Variants in TEP1 observed in about 807,000 individuals in gnomAD.
TEP1 encodes telomerase protein component 1.
In TEP1, 241 loss-of-function variants were observed where a neutral mutation model predicts 306.3. The ratio of observed to expected loss-of-function variants is 0.79; its 90% CI spans 0.71 to 0.88. The LOEUF (loss-of-function observed/expected upper bound fraction) is 0.88. TEP1 is among the 40% of genes least tolerant of loss of function. TEP1 has a pLI of 0.00. For missense variants in TEP1, 3,051 were observed against 3,276.1 expected, an observed-to-expected ratio of 0.93 and a Z score of 1.68; for synonymous variants, 1,289 against 1,305.5, an observed-to-expected ratio of 0.99 and a Z score of 0.27.
Position 20,390,641 on chromosome 14 carries a change from T to C in TEP1, c.2334+40A>G, listed in dbSNP as rs747647389. On this transcript the variant is annotated intron_variant, in intron 15 of 54. Transcript: ENST00000262715. ...GAAATATATCAGTTGCAGAGGAAAA[T>C]GTGGGGGAGGGAGAGGGTTTCTCAG... 5.7e-6 allele frequency: 9 copies of C among 1,586,736 alleles called. No homozygotes were observed. The South Asian group carries it at 8.8e-5, about 16-fold the overall frequency.
At chr14:20,377,226 A>AG (rs1566445449) in intron 41 of TEP1, 54 bp downstream of exon 41, 2 of 1,446,250 alleles carry the variant, frequency 1.4e-6, no homozygotes, top group East Asian at 2.3e-5. Context: ...AAAAAAAAAA[A>AG]AAAGAAAAGA....
chr14:20,411,753 C>T (rs1191328949), intron 1 of TEP1, among the ~76,000 whole-genome samples: 1 of 152,018 alleles, frequency 6.6e-6, no homozygotes, highest in African/African-American at 2.4e-5. Flanking sequence ...ATGGACCTCC[C>T]AGGATCTCCA....
At chr14:20,371,155 A>C in intron 51 of TEP1, 63 bp downstream of exon 51, 1 of 1,433,122 alleles carries the variant, frequency 7.0e-7, no homozygotes, top group South Asian at 1.1e-5. Context: ...GACGGGCCCC[A>C]AGGTGTAAAA....
intron 1 of TEP1, among the ~76,000 whole-genome samples, chr14:20,409,350 T>C (rs924899572): frequency 1.8e-4 from 27 of 152,376 alleles, no homozygotes; most frequent in African/African-American, 6.0e-4. Context: ...TGCAGTTCTA[T>C]TCTAATCCTT....
Position 20,403,553 on chromosome 14 carries a change from T to C in TEP1, c.1195-105A>G, listed in dbSNP as rs1878928998. 2.5e-6 allele frequency: 4 copies of C among 1,591,204 alleles called. No individual in the cohort carries two copies. The African/African-American group carries it at 5.4e-5, about 22-fold the overall frequency. Reference sequence around the variant, plus strand: ...CATCTCTACCAAAAAGGAAGCCAACTAGAAAAGAAGACTGCCCTGCACCAT... The same window carrying C: ...CATCTCTACCAAAAAGGAAGCCAACCAGAAAAGAAGACTGCCCTGCACCAT... On this transcript the variant is annotated intron_variant, in intron 6 of 54. Coordinates refer to ENST00000262715, the MANE Select transcript of TEP1 (RefSeq NM_007110.5).
chr14:20,390,711 G>A lies in TEP1; in HGVS notation c.2304C>T (p.Tyr768=), dbSNP rs138966593. The change falls in exon 15 of 55, where the codon TAC becomes TAT. Residue 768 remains tyrosine, a synonymous_variant. Coordinates refer to ENST00000262715, the MANE Select transcript of TEP1 (RefSeq NM_007110.5). Reference sequence around the variant, plus strand: ...CCCTTTGGCCAGCCAGAGACAGCAGGTATTTCCCAAAAGTATTCAGGGACC... The same window carrying A: ...CCCTTTGGCCAGCCAGAGACAGCAGATATTTCCCAAAAGTATTCAGGGACC... ...DGWSLNTFGK[Y]LLSLAGQRVP... is the part of the protein sequence containing the mutation. 117 of 1,614,162 alleles carry A rather than the reference G, an allele frequency of 7.2e-5. No homozygotes were observed. In the African/African-American group the frequency reaches 1.4e-3, roughly 19 times the overall value.
Position 20,384,706 on chromosome 14 carries a change from G to C in TEP1, c.3115C>G (p.Pro1039Ala), listed in dbSNP as rs1566458995. 1.9e-6 allele frequency: 3 copies of C among 1,610,170 alleles called. No individual in the cohort carries two copies. The change falls in exon 22 of 55, where the codon CCA (proline) becomes GCA (alanine). Residue 1039 changes from proline (P) to alanine (A), a missense_variant. Pro to Ala is a conservative substitution (Grantham distance 27, BLOSUM62 -1). Coordinates refer to ENST00000262715, the MANE Select transcript of TEP1 (RefSeq NM_007110.5). ...FRDSSFLSSV[P>A]DAWKSDFVSE... ...ACAAAGTCAGATTTCCAGGCATCTGGCACAGAGCTGACCACCAAAGACCCC... is the reference window on the plus strand; with the variant it reads ...ACAAAGTCAGATTTCCAGGCATCTGCCACAGAGCTGACCACCAAAGACCCC...
At chr14:20,385,466 C>G (rs974396509) in intron 20 of TEP1, among the ~76,000 whole-genome samples, 1 of 152,024 alleles carries the variant, frequency 6.6e-6, no homozygotes, top group Non-Finnish European at 1.5e-5. Flanking sequence ...TCCGCCTCCT[C>G]GGTTCAAGCA....
chr14:20,396,653 G>A lies in TEP1; in HGVS notation c.1627C>T (p.His543Tyr). ...TGGAGTCTCTGGAGAATGAGCTCATGGTGGCGGGAACTGATTCCAACCCGC... is the reference window on the plus strand; with the variant it reads ...TGGAGTCTCTGGAGAATGAGCTCATAGTGGCGGGAACTGATTCCAACCCGC... ...LLRVGISSRH[H>Y]ELILQRLQHA... The change falls in exon 10 of 55, where the codon CAT (histidine) becomes TAT (tyrosine). Residue 543 changes from histidine (H) to tyrosine (Y), a missense_variant. By Grantham distance (83) the His-to-Tyr change is moderately conservative. This residue lies in a region of TEP1 where 1,507 missense variants were observed against 1,550.5 expected (regional missense o/e 0.97). Transcript: ENST00000262715. The A allele has an allele frequency of 6.2e-7, 1 of 1,611,878 alleles. No individual in the cohort carries two copies. The highest frequency in any genetic ancestry group is 8.5e-7 in the Non-Finnish European group (1 of 1,178,104).
chr14:20,379,897 A>G, intron 35 of TEP1, 33 bp downstream of exon 35: 1 of 1,590,098 alleles, frequency 6.3e-7, no homozygotes, highest in Non-Finnish European at 8.6e-7. Context: ...GGATTTTCAG[A>G]GGGTAAATTC....
At chr14:20,400,299 T>C (rs963206433) in intron 9 of TEP1, among the ~76,000 whole-genome samples, 10 of 149,050 alleles carry the variant, frequency 6.7e-5, no homozygotes, top group African/African-American at 2.0e-4. Context: ...TGTGGGTGCG[T>C]GTGTGTGTGT....
rs2138971347 is a variant in TEP1 at position 20,365,913 on chromosome 14, AT to A, written c.*2523del. The A allele has an allele frequency of 6.6e-6, 1 of 152,358 alleles. No individual in the cohort carries two copies. The highest frequency in any genetic ancestry group is 2.1e-4 in the South Asian group (1 of 4,830). The allele number at this position is 152,358 out of a possible 1,614,324, so 9.4% of individuals were successfully genotyped here. A position where few individuals can be genotyped will look rare whatever the true frequency, so the allele number is the denominator to read the frequency against. ...CTTTTCTAGATGGGTAGAAGAAAAGATTGTTCAAATGTCCTATGGTCTCACA... is the reference window on the plus strand; with the variant it reads ...CTTTTCTAGATGGGTAGAAGAAAAGATGTTCAAATGTCCTATGGTCTCACA... On this transcript the variant is annotated 3_prime_UTR_variant, in exon 55 of 55. Coordinates refer to ENST00000262715, the MANE Select transcript of TEP1 (RefSeq NM_007110.5).
Position 20,369,702 on chromosome 14 carries a change from T to C in TEP1, c.7395A>G (p.Ile2465Met), listed in dbSNP as rs776378524. The change falls in exon 52 of 55, where the codon ATA becomes ATG. Residue 2465 changes from isoleucine (I) to methionine (M), a missense_variant. Transcript: ENST00000262715. ...INLENPSRTL[I>M]SITQAKPESE... The stretch of plus-strand genomic sequence containing the variant: ...ATTCAGGTTTGGCTTGAGTTATCGA[T>C]ATTAGGGTCCTACTAGGATTCTCTA... 9 of 1,614,158 alleles carry C rather than the reference T, an allele frequency of 5.6e-6. No individual in the cohort carries two copies. The highest frequency in any genetic ancestry group is 2.2e-5 in the South Asian group (2 of 91,090).
At chr14:20,386,289 A>G in intron 19 of TEP1, 94 bp from the exon 20 acceptor site, 1 of 1,599,202 alleles carries the variant, frequency 6.3e-7, no homozygotes, top group Non-Finnish European at 8.5e-7. Flanking sequence ...CTGACTCGCA[A>G]CTGAGTAAAG....
intron 11 of TEP1, 94 bp from the exon 12 acceptor site, chr14:20,395,721 TGG>T: frequency 6.6e-7 from 1 of 1,526,522 alleles, no homozygotes; most frequent in Non-Finnish European, 8.9e-7. Context: ...CCCTTGGGGC[TGG>T]CAAGTGCCTG....
At chr14:20,386,672 C>T (rs1023532558) in intron 18 of TEP1, 49 bp from the exon 19 acceptor site, 2 of 1,508,126 alleles carry the variant, frequency 1.3e-6, no homozygotes, top group Admixed American at 2.0e-5. Context: ...ATTCCCACCC[C>T]CCATCCATAG....
At position 20,368,422 on chromosome 14, in the gene TEP1, C is replaced by A; in HGVS notation, c.*15G>T. The A allele has an allele frequency of 6.2e-7, 1 of 1,613,364 alleles. No homozygotes were observed. Among genetic ancestry groups the A allele is most frequent in the Non-Finnish European group, 8.5e-7 (1 of 1,179,398 alleles). On this transcript the variant is annotated 3_prime_UTR_variant, in exon 55 of 55. Coordinates refer to ENST00000262715, the MANE Select transcript of TEP1 (RefSeq NM_007110.5). ...TCTAGCACAAGGGGTATCATTATTC[C>A]CGAGTGGCACATCTTCATTCCCAAT...
At chr14:20,389,495 A>G in intron 16 of TEP1, 115 bp downstream of exon 16, 1 of 1,520,278 alleles carries the variant, frequency 6.6e-7, no homozygotes. Flanking sequence ...AGAGGTAAGA[A>G]GGCAGAGTTG....
intron 41 of TEP1, among the ~76,000 whole-genome samples, chr14:20,376,685 G>A (rs1885195569): frequency 6.6e-6 from 1 of 152,148 alleles, no homozygotes; most frequent in Non-Finnish European, 1.5e-5. Context: ...CTCCTTCTAA[G>A]GGAAACCTAT....
Sources: gnomAD v4.1 joint callset for allele counts (sites outside exome capture counted in the v4.1 genomes callset) on GRCh38, gnomAD v4.1.1 for gene constraint, gnomAD v4.1.1 regional missense constraint, MANE v1.5 for transcripts, NCBI Gene and HGNC (gene_info 2026-07-23, HGNC 2026-07-21) for gene names.